The following PCDH7 variants were observed in gnomAD, a reference collection of about 807,000 sequenced individuals.
PCDH7 encodes protocadherin 7, also known as protocadherin-7.
PCDH7 carries 17 observed loss-of-function variants against 58.9 expected under a neutral mutation model. The observed-to-expected ratio is 0.29, with a 90% confidence interval of 0.20 to 0.43. The LOEUF (loss-of-function observed/expected upper bound fraction) is 0.43. Ranked by LOEUF, PCDH7 falls within the 20% of genes least tolerant of loss-of-function variation. The probability of loss-of-function intolerance (pLI) is 1.00; values close to 1 mark genes in which losing one functional copy is unlikely to be tolerated. For synonymous variants in PCDH7, 664 were observed against 616.4 expected (o/e 1.08, Z -1.14); for missense variants, 1,274 against 1,441.0 (o/e 0.88, Z 1.88).
rs1390051297 is a variant in PCDH7 at position 30,758,957 on chromosome 4, T to TG, written c.70+34361_70+34362insG. On this transcript the variant is annotated intron_variant, in intron 1 of 3. Transcript: ENST00000509759. The stretch of plus-strand genomic sequence containing the variant: ...GAAGAAGTGTTTTTTTTTTTTTTTT[T>TG]TTGTGATACAGTCTCACTCTGTCAC... Among the ~76,000 whole-genome samples the TG allele has an allele frequency of 6.0e-4, 87 of 144,924 alleles. 2 individuals are homozygous for TG. Among genetic ancestry groups the TG allele is most frequent in the Non-Finnish European group, 7.2e-4 (48 of 66,300 alleles).
At chr4:30,891,773 GTT>G (rs554698491) in intron 1 of PCDH7, among the ~76,000 whole-genome samples, 3 of 139,202 alleles carry the variant, frequency 2.2e-5, no homozygotes, top group African/African-American at 2.5e-5. Context: ...TTGTTTTTTT[GTT>G]TTTTTTTTTT....
At chr4:30,985,400 TC>T (rs1322187226) in intron 3 of PCDH7, among the ~76,000 whole-genome samples, 1 of 152,206 alleles carries the variant, frequency 6.6e-6, no homozygotes, top group Non-Finnish European at 1.5e-5. Flanking sequence ...CAAATGTTAT[TC>T]CAGGCTAGAT....
At chr4:31,072,200 A>G (rs915161826) in intron 3 of PCDH7, among the ~76,000 whole-genome samples, 1 of 152,118 alleles carries the variant, frequency 6.6e-6, no homozygotes, top group African/African-American at 2.4e-5. Flanking sequence ...CATATTTGGT[A>G]GAAATAATAT....
At chr4:30,857,179 C>T (rs958136850) in intron 1 of PCDH7, among the ~76,000 whole-genome samples, 1 of 152,088 alleles carries the variant, frequency 6.6e-6, no homozygotes, top group Admixed American at 6.6e-5. Context: ...AGTGACTTCT[C>T]TTCTGGGGTG....
intron 2 of PCDH7, among the ~76,000 whole-genome samples, chr4:30,933,489 T>C (rs1181977945): frequency 1.3e-5 from 2 of 152,326 alleles, no homozygotes; most frequent in Admixed American, 1.3e-4. Flanking sequence ...CTTGTTGTTA[T>C]TGTTTGTTTG....
intron 1 of PCDH7, among the ~76,000 whole-genome samples, chr4:30,760,032 A>T (rs2109267743): frequency 6.6e-6 from 1 of 152,258 alleles, no homozygotes; most frequent in East Asian, 1.9e-4. Context: ...TGGGCATGAA[A>T]CATAAACACA....
At chr4:31,083,977 C>T (rs1711968829) in intron 3 of PCDH7, among the ~76,000 whole-genome samples, 1 of 152,170 alleles carries the variant, frequency 6.6e-6, no homozygotes. Context: ...AATCCATAAT[C>T]ATTTATTAAA....
chr4:31,037,683 C>G (rs1245576332), intron 3 of PCDH7, among the ~76,000 whole-genome samples: 1 of 152,192 alleles, frequency 6.6e-6, no homozygotes, highest in African/African-American at 2.4e-5. Context: ...AGCAATCATT[C>G]TTTCATATCC....
rs1423515098 is a variant in PCDH7 at position 31,079,341 on chromosome 4, T to G, written c.*8-63132T>G. 2.3e-4 allele frequency among the ~76,000 whole-genome samples: 17 copies of G among 72,488 alleles called. 1 individual carries two copies. Among genetic ancestry groups the G allele is most frequent in the African/African-American group, 3.5e-4 (5 of 14,088 alleles). 47.6% of individuals were successfully genotyped at this position (72,488 alleles called of 152,430 possible). On this transcript the variant is annotated intron_variant, in intron 3 of 3. Coordinates refer to the PCDH7 transcript ENST00000509759. ...ATATATATATATATATATATATATATATATATATATATATATATATATACA... is the reference window on the plus strand; with the variant it reads ...ATATATATATATATATATATATATAGATATATATATATATATATATATACA...
intron 3 of PCDH7, among the ~76,000 whole-genome samples, chr4:31,065,266 G>A (rs555013096): frequency 3.1e-4 from 47 of 151,954 alleles, no homozygotes; most frequent in Admixed American, 7.2e-4. Context: ...TTAGCTCTGA[G>A]TCGTCGTAAC....
intron 2 of PCDH7, among the ~76,000 whole-genome samples, chr4:30,929,339 T>C (rs1051750278): frequency 4.6e-5 from 7 of 152,202 alleles, no homozygotes; most frequent in African/African-American, 2.4e-5. Context: ...TACTGAAATA[T>C]AGACAATAGG....
intron 2 of PCDH7, among the ~76,000 whole-genome samples, chr4:30,942,864 A>G (rs1410513153): frequency 6.6e-6 from 1 of 151,022 alleles, no homozygotes; most frequent in African/African-American, 2.4e-5. Flanking sequence ...TAAGCAATGG[A>G]AGAGGTAGGT....
At chr4:31,044,532 C>G (rs1756133127) in intron 3 of PCDH7, among the ~76,000 whole-genome samples, 1 of 151,832 alleles carries the variant, frequency 6.6e-6, no homozygotes, top group Admixed American at 6.6e-5. Flanking sequence ...TCTGTGTTTT[C>G]TTATGCTAGG....
chr4:30,803,286 G>A (rs968828149), intron 1 of PCDH7, among the ~76,000 whole-genome samples: 1 of 152,154 alleles, frequency 6.6e-6, no homozygotes, highest in African/African-American at 2.4e-5. Flanking sequence ...CTGAGTAGAA[G>A]TGACTGTCAC....
At chr4:31,098,235 C>T (rs538732829) in intron 3 of PCDH7, among the ~76,000 whole-genome samples, 8 of 152,268 alleles carry the variant, frequency 5.3e-5, no homozygotes, top group Non-Finnish European at 8.8e-5. Flanking sequence ...TTATCATCTT[C>T]GGGGGTATTT....
At chr4:30,942,271 T>C (rs1306699592) in intron 2 of PCDH7, among the ~76,000 whole-genome samples, 1 of 152,018 alleles carries the variant, frequency 6.6e-6, no homozygotes, top group Non-Finnish European at 1.5e-5. Flanking sequence ...TAACTTAATC[T>C]ACATTGAATT....
At chr4:31,078,240 G>A (rs574087336) in intron 3 of PCDH7, among the ~76,000 whole-genome samples, 2 of 152,182 alleles carry the variant, frequency 1.3e-5, no homozygotes, top group South Asian at 2.1e-4. Context: ...AATCAAGTCA[G>A]CTTTAAACAT....
chr4:31,140,009 A>G (rs1342008744), intron 3 of PCDH7, among the ~76,000 whole-genome samples: 1 of 152,200 alleles, frequency 6.6e-6, no homozygotes, highest in Non-Finnish European at 1.5e-5. Flanking sequence ...AGAGGAAATC[A>G]ATTTTGGCAG....
intron 3 of PCDH7, among the ~76,000 whole-genome samples, chr4:31,063,005 T>C (rs1284523088): frequency 6.6e-6 from 1 of 151,866 alleles, no homozygotes; most frequent in Non-Finnish European, 1.5e-5. Flanking sequence ...TACATATGTG[T>C]ATAATATAGT....
Sources: gnomAD v4.1 joint callset for allele counts (sites outside exome capture counted in the v4.1 genomes callset) on GRCh38, gnomAD v4.1.1 for gene constraint, MANE v1.5 for transcripts, NCBI Gene and HGNC (gene_info 2026-07-23, HGNC 2026-07-21) for gene names.